The following WWC2 variants were observed in gnomAD, a reference collection of about 807,000 sequenced individuals.
WWC2 encodes protein WWC2.
In WWC2, 101 loss-of-function variants were observed where a neutral mutation model predicts 138.5. The ratio of observed to expected loss-of-function variants is 0.73; its 90% confidence interval spans 0.62 to 0.86. The LOEUF (loss-of-function observed/expected upper bound fraction) is 0.86. WWC2 is among the 40% of genes least tolerant of loss of function. The pLI, the probability that WWC2 is intolerant of heterozygous loss-of-function variation, is 0.00. For missense variants in WWC2, 1,420 were observed against 1,419.4 expected (o/e 1.00, Z -0.01); for synonymous variants, 558 against 538.4 (o/e 1.04, Z -0.50).
In WWC2 at chr4:183,208,112, G is replaced by A. The variant is rs1343230492; in HGVS notation, c.401G>A (p.Arg134Gln). The A allele has an allele frequency of 4.3e-6, 7 of 1,613,626 alleles. No individual in the cohort carries two copies. Among genetic ancestry groups the A allele is most frequent in the Admixed American group, 1.7e-5 (1 of 59,988 alleles). ...RLALALDEYV[R>Q]LNDAYKEKSS... ...GCGCTGGCCCTGGATGAATACGTGC[G>A]ATTAAATGATGCCTATAAGGAAAAG... Residue 134 changes from arginine to glutamine, a missense_variant, in exon 3 of 23, where the codon CGA becomes CAA. Coordinates refer to ENST00000403733, the MANE Select transcript of WWC2 (RefSeq NM_024949.6).
At chr4:183,129,402 C>T (rs1375241946) in intron 1 of WWC2, among the ~76,000 whole-genome samples, 1 of 151,898 alleles carries the variant, frequency 6.6e-6, no homozygotes, top group Middle Eastern at 3.2e-3. Context: ...CTAGGACTGT[C>T]TTAGCAAATG....
At chr4:183,204,529 C>T (rs563331138) in intron 2 of WWC2, among the ~76,000 whole-genome samples, 5 of 152,234 alleles carry the variant, frequency 3.3e-5, no homozygotes, top group African/African-American at 1.2e-4. Context: ...ATTGCTGTTC[C>T]ATTATACCTC....
intron 2 of WWC2, among the ~76,000 whole-genome samples, chr4:183,194,217 G>A (rs749884981): frequency 1.3e-5 from 2 of 152,172 alleles, no homozygotes; most frequent in Non-Finnish European, 2.9e-5. Flanking sequence ...TTTGTCGTTG[G>A]AAGGGAAAAA....
At chr4:183,295,492 T>A (rs1329899141) in intron 21 of WWC2, among the ~76,000 whole-genome samples, 2 of 152,202 alleles carry the variant, frequency 1.3e-5, no homozygotes, top group Non-Finnish European at 2.9e-5. Context: ...CTTGGCCATG[T>A]GAGGGCCCCT....
intron 1 of WWC2, among the ~76,000 whole-genome samples, chr4:183,167,130 T>G (rs907318447): frequency 2.0e-5 from 3 of 152,214 alleles, no homozygotes; most frequent in Non-Finnish European, 2.9e-5. Context: ...AATTTTCATA[T>G]GGCCACGGAG....
intron 21 of WWC2, among the ~76,000 whole-genome samples, chr4:183,302,931 G>A (rs1580166959): frequency 6.6e-6 from 1 of 152,200 alleles, no homozygotes; most frequent in East Asian, 1.9e-4. Context: ...GGGCATGATG[G>A]CAAGCGCCTG....
chr4:183,150,047 T>C (rs2111114208), intron 1 of WWC2, among the ~76,000 whole-genome samples: 1 of 152,244 alleles, frequency 6.6e-6, no homozygotes, highest in East Asian at 1.9e-4. Flanking sequence ...AAACTGAACA[T>C]ACCTAGAAAG....
At chr4:183,198,511 T>C (rs1735207488) in intron 2 of WWC2, among the ~76,000 whole-genome samples, 2 of 152,090 alleles carry the variant, frequency 1.3e-5, no homozygotes, top group Non-Finnish European at 2.9e-5. Context: ...GTATTTTACA[T>C]CGCAAATGGG....
intron 1 of WWC2, among the ~76,000 whole-genome samples, chr4:183,159,161 T>C (rs1049288897): frequency 6.6e-6 from 1 of 152,240 alleles, no homozygotes; most frequent in Non-Finnish European, 1.5e-5. Context: ...CCAAATTTTG[T>C]GTTTTTAAAA....
Position 183,320,530 on chromosome 4 carries a change from G to T in WWC2, c.*4801G>T. 2.9e-6 allele frequency: 1 copy of T among 340,314 alleles called. No homozygotes were observed. The highest frequency in any genetic ancestry group is 5.6e-6 in the Non-Finnish European group (1 of 178,788). The allele number at this position is 340,314 out of a possible 1,614,324, so 21.1% of individuals were successfully genotyped here. A position where few individuals can be genotyped will look rare whatever the true frequency, so the allele number is the denominator to read the frequency against. ...AGTGATAATCTCCTTTCATTGTCAA[G>T]GTTAAAATGGCTTTCATGTTATTCC... On this transcript the variant is annotated 3_prime_UTR_variant, in exon 23 of 23. Transcript: ENST00000403733.
chr4:183,269,492 C>T lies in WWC2; in HGVS notation c.2400+329C>T, dbSNP rs537294172. 222 of 509,216 alleles carry T rather than the reference C, an allele frequency of 4.4e-4. 1 individual carries two copies. Among genetic ancestry groups the T allele is most frequent in the Non-Finnish European group, 9.1e-5 (23 of 252,494 alleles). 31.5% of individuals were successfully genotyped at this position (509,216 alleles called of 1,614,324 possible). On this transcript the variant is annotated intron_variant, in intron 15 of 22. Coordinates refer to ENST00000403733, the MANE Select transcript of WWC2 (RefSeq NM_024949.6). The stretch of plus-strand genomic sequence containing the variant: ...CTCCCAGTACCAATGCCAAGCTTTG[C>T]GTGACTGCTGTGTATATATTATCTC...
At chr4:183,270,337 T>A (rs1737658988) in intron 15 of WWC2, among the ~76,000 whole-genome samples, 1 of 152,240 alleles carries the variant, frequency 6.6e-6, no homozygotes, top group Non-Finnish European at 1.5e-5. Flanking sequence ...TTTTTGCCAT[T>A]CTACTAACTT....
chr4:183,268,644 T>C (rs529262015), intron 14 of WWC2, among the ~76,000 whole-genome samples: 13 of 152,290 alleles, frequency 8.5e-5, no homozygotes, highest in African/African-American at 3.1e-4. Flanking sequence ...ATTTTGGAAT[T>C]GGCTGTCCAT....
intron 1 of WWC2, among the ~76,000 whole-genome samples, chr4:183,113,507 T>TGCGCGCGCAC (rs1732309338): frequency 6.9e-6 from 1 of 144,562 alleles, no homozygotes; most frequent in Non-Finnish European, 1.5e-5. Context: ...TGTGTGTGTG[T>TGCGCGCGCAC]GTGTGTGTGC....
intron 1 of WWC2, among the ~76,000 whole-genome samples, chr4:183,176,795 G>A (rs909771607): frequency 6.6e-6 from 1 of 151,918 alleles, no homozygotes; most frequent in African/African-American, 2.4e-5. Flanking sequence ...ACTCTCACAG[G>A]GGAAGAGAAG....
intron 1 of WWC2, among the ~76,000 whole-genome samples, chr4:183,104,021 G>T (rs562818206): frequency 6.6e-6 from 1 of 151,150 alleles, no homozygotes; most frequent in African/African-American, 2.4e-5. Flanking sequence ...GTGCAATGGC[G>T]CGATGTTGGC....
chr4:183,216,589 C>A (rs752165400), intron 4 of WWC2, among the ~76,000 whole-genome samples: 1 of 152,168 alleles, frequency 6.6e-6, no homozygotes, highest in Non-Finnish European at 1.5e-5. Context: ...TTTCAGACTT[C>A]AGGTAACAGT....
At chr4:183,133,075 T>TTTTTTCTTTTTCTTTTTC (rs1732985616) in intron 1 of WWC2, among the ~76,000 whole-genome samples, 1 of 150,636 alleles carries the variant, frequency 6.6e-6, no homozygotes, top group Non-Finnish European at 1.5e-5. Context: ...TTTCCTTCCC[T>TTTTTTCTTTTTCTTTTTC]CTTCCCTTAC....
At chr4:183,263,082 C>G (rs777962177) in intron 11 of WWC2, among the ~76,000 whole-genome samples, 3 of 152,186 alleles carry the variant, frequency 2.0e-5, no homozygotes, top group African/African-American at 4.8e-5. Context: ...TGGCTAAACA[C>G]AGTTCTTACT....
Sources: allele counts gnomAD v4.1 joint callset (sites outside exome capture counted in the v4.1 genomes callset), GRCh38; gene constraint gnomAD v4.1.1; transcripts MANE v1.5; gene names NCBI Gene and HGNC (gene_info 2026-07-23, HGNC 2026-07-21).